Variants in HS3ST2 observed in about 807,000 individuals in gnomAD.
HS3ST2 encodes heparan sulfate glucosamine 3-O-sulfotransferase 2.
A neutral mutation model predicts 26.3 loss-of-function variants in HS3ST2; 17 were observed. That is an observed-to-expected ratio of 0.65 (90% CI 0.44 to 0.97). HS3ST2 has a LOEUF of 0.97. Among genes scored for constraint, HS3ST2 ranks in the 50% least tolerant of loss-of-function variants. The pLI is 0.00. For synonymous variants in HS3ST2, 237 were observed against 219.2 expected (o/e 1.08, Z -0.72); for missense variants, 402 against 501.2 (o/e 0.80, Z 1.89).
At chr16:22,864,954 G>A (rs1022660279) in intron 1 of HS3ST2, among the ~76,000 whole-genome samples, 16 of 148,730 alleles carry the variant, frequency 1.1e-4, no homozygotes, top group Non-Finnish European at 2.2e-4. Flanking sequence ...AGGAGGCTGA[G>A]GTGGCAGGAT....
At chr16:22,826,220 T>C (rs1901083794) in intron 1 of HS3ST2, among the ~76,000 whole-genome samples, 1 of 152,100 alleles carries the variant, frequency 6.6e-6, no homozygotes, top group African/African-American at 2.4e-5. Flanking sequence ...CCAGCATTTG[T>C]GGGGTTGTAG....
intron 1 of HS3ST2, among the ~76,000 whole-genome samples, chr16:22,817,034 T>C (rs1192226385): frequency 6.6e-6 from 1 of 152,182 alleles, no homozygotes; most frequent in African/African-American, 2.4e-5. Context: ...TGGCTGCTTT[T>C]TATTTTTAAC....
chr16:22,828,816 C>A (rs1030235294), intron 1 of HS3ST2, among the ~76,000 whole-genome samples: 17 of 152,312 alleles, frequency 1.1e-4, no homozygotes, highest in African/African-American at 4.1e-4. Context: ...CTACTTTAGG[C>A]CCCCTTTCCT....
At chr16:22,872,051 T>C (rs1901846503) in intron 1 of HS3ST2, among the ~76,000 whole-genome samples, 1 of 152,194 alleles carries the variant, frequency 6.6e-6, no homozygotes. Context: ...ATGAGATCTG[T>C]ATACTTTAGA....
rs1310228088 is a variant in HS3ST2, at chr16:22,814,976, G to A, written c.366G>A (p.Val122=). The A allele has an allele frequency of 9.3e-6, 15 of 1,612,826 alleles. No individual in the cohort carries two copies. The highest frequency in any genetic ancestry group is 1.3e-5 in the African/African-American group (1 of 74,954). The change falls in exon 1 of 2, where the codon GTG becomes GTA. Residue 122 remains valine, a synonymous_variant. Transcript: ENST00000261374. ...TGCCCCAAGCCCTCATTGTGGGCGT[G>A]AAGAAGGGGGGCACCCGGGCCGTGC... The part of the protein sequence containing the change: ...KRLPQALIVG[V]KKGGTRAVLE...
intron 1 of HS3ST2, among the ~76,000 whole-genome samples, chr16:22,904,926 C>A (rs208632): frequency 0.01 from 1,562 of 152,258 alleles, 67 homozygotes; most frequent in Admixed American, 0.093. Context: ...CTCAACTAGG[C>A]GAGGATAAAC....
chr16:22,821,456 G>A (rs462797), intron 1 of HS3ST2, among the ~76,000 whole-genome samples: 37,534 of 151,302 alleles, frequency 0.25, 4,709 homozygotes, highest in African/African-American at 0.28. Context: ...GGGTGGGGGA[G>A]CACACAGCTC....
intron 1 of HS3ST2, among the ~76,000 whole-genome samples, chr16:22,890,247 T>C (rs1419207763): frequency 1.3e-5 from 2 of 152,192 alleles, no homozygotes; most frequent in Non-Finnish European, 2.9e-5. Flanking sequence ...ATAATCACAT[T>C]AATAATCAGA....
intron 1 of HS3ST2, among the ~76,000 whole-genome samples, chr16:22,830,690 G>A (rs577806088): frequency 1.3e-5 from 2 of 152,162 alleles, no homozygotes; most frequent in Non-Finnish European, 2.9e-5. Context: ...ACTTTGCCTT[G>A]CCTCTGGGCC....
intron 1 of HS3ST2, among the ~76,000 whole-genome samples, chr16:22,865,889 A>C (rs536077397): frequency 6.6e-6 from 1 of 152,316 alleles, no homozygotes. Flanking sequence ...AGCATGCCTC[A>C]TAATATAATT....
At chr16:22,876,177 G>A (rs888895854) in intron 1 of HS3ST2, among the ~76,000 whole-genome samples, 5 of 152,206 alleles carry the variant, frequency 3.3e-5, no homozygotes, top group East Asian at 3.9e-4. Context: ...CCATCAAAAT[G>A]TCAGCTATAG....
At chr16:22,878,897 T>G (rs1901953403) in intron 1 of HS3ST2, among the ~76,000 whole-genome samples, 1 of 152,108 alleles carries the variant, frequency 6.6e-6, no homozygotes, top group Non-Finnish European at 1.5e-5. Flanking sequence ...AAATAATCAC[T>G]GAGGCTGGAG....
chr16:22,872,640 T>C (rs1901853612), intron 1 of HS3ST2, among the ~76,000 whole-genome samples: 1 of 152,154 alleles, frequency 6.6e-6, no homozygotes. Flanking sequence ...ACTCATCTGT[T>C]ACCTGCCTGG....
At chr16:22,846,396 C>A (rs1333557125) in intron 1 of HS3ST2, among the ~76,000 whole-genome samples, 2 of 152,126 alleles carry the variant, frequency 1.3e-5, no homozygotes, top group Non-Finnish European at 2.9e-5. Context: ...TTGCTCTCAC[C>A]TCTAATGCCT....
chr16:22,853,817 C>T (rs1354004663), intron 1 of HS3ST2, among the ~76,000 whole-genome samples: 1 of 152,168 alleles, frequency 6.6e-6, no homozygotes, highest in Non-Finnish European at 1.5e-5. Flanking sequence ...CCAGCGTCCG[C>T]AGCCAAAACA....
chr16:22,863,917 G>C (rs7199670), intron 1 of HS3ST2, among the ~76,000 whole-genome samples: 1 of 152,076 alleles, frequency 6.6e-6, no homozygotes, highest in Non-Finnish European at 1.5e-5. Context: ...AAGGTTCTCC[G>C]CTCTATCTGA....
At chr16:22,874,341 A>G (rs535377591) in intron 1 of HS3ST2, among the ~76,000 whole-genome samples, 10 of 152,342 alleles carry the variant, frequency 6.6e-5, no homozygotes, top group African/African-American at 1.7e-4. Flanking sequence ...ATTTTACAGG[A>G]GATAAGTTCA....
intron 1 of HS3ST2, among the ~76,000 whole-genome samples, chr16:22,825,797 C>T (rs972419294): frequency 5.3e-5 from 8 of 152,088 alleles, no homozygotes; most frequent in South Asian, 4.1e-4. Context: ...GCCAAGGTGG[C>T]GGATAACCTG....
At chr16:22,895,464 A>T (rs942568165) in intron 1 of HS3ST2, among the ~76,000 whole-genome samples, 6 of 152,174 alleles carry the variant, frequency 3.9e-5, no homozygotes, top group Non-Finnish European at 5.9e-5. Flanking sequence ...ATTCTACAGA[A>T]TTTCTACAGG....
Sources: gnomAD v4.1 joint callset for allele counts (sites outside exome capture counted in the v4.1 genomes callset) on GRCh38, gnomAD v4.1.1 for gene constraint, MANE v1.5 for transcripts, NCBI Gene and HGNC (gene_info 2026-07-23, HGNC 2026-07-21) for gene names.